AGAP1: variants seen among roughly 807,000 people sequenced by gnomAD.
AGAP1 encodes arf-GAP with GTPase, ANK repeat and PH domain-containing protein 1.
In AGAP1, 29 loss-of-function variants were observed where a neutral mutation model predicts 105.3. The ratio of observed to expected loss-of-function variants is 0.28; its 90% CI spans 0.21 to 0.38. AGAP1 has a LOEUF of 0.38. Ranked by LOEUF, AGAP1 falls within the 10% of genes least tolerant of loss-of-function variation. The pLI is 1.00. For synonymous variants in AGAP1, 509 were observed against 485.9 expected (o/e 1.05, Z -0.63); for missense variants, 998 against 1,165.1 (o/e 0.86, Z 2.09).
intron 7 of AGAP1, among the ~76,000 whole-genome samples, chr2:235,798,647 G>A (rs1957350976): frequency 6.6e-6 from 1 of 152,104 alleles, no homozygotes. Flanking sequence ...GGAGCTCAAG[G>A]CAGGTGGATC....
At chr2:236,122,711 C>T (rs1332870354) in intron 17 of AGAP1, among the ~76,000 whole-genome samples, 2 of 123,006 alleles carry the variant, frequency 1.6e-5, no homozygotes, top group Non-Finnish European at 3.2e-5. Context: ...GAGACAGAGT[C>T]TCACTCTGTC....
rs994990953 is a variant in AGAP1, at chr2:236,002,085, T to G, written c.1645+33462T>G. On this transcript the variant is annotated intron_variant, in intron 13 of 17. Coordinates refer to ENST00000304032, the MANE Select transcript of AGAP1 (RefSeq NM_001037131.3). The surrounding 1 kb of genome is among the most constrained non-coding windows in gnomAD (Gnocchi z 4.3). ...ATGTCTGTGTTGACAGGGCCATGGGTGAGAACAGAGAGTTTCTCAAGCGAC... is the reference window on the plus strand; with the variant it reads ...ATGTCTGTGTTGACAGGGCCATGGGGGAGAACAGAGAGTTTCTCAAGCGAC... 6.6e-6 allele frequency among the ~76,000 whole-genome samples: 1 copy of G among 152,118 alleles called. No homozygotes were observed. The highest frequency in any genetic ancestry group is 2.4e-5 in the African/African-American group (1 of 41,396).
chr2:236,128,083 C>CA lies in AGAP1; in HGVS notation c.*3961_*3962insA, dbSNP rs2060030657. ...GATGGGCACGTTTGCCAACCCCCCC[C>CA]CCCCAGTAGAGCCCAGGACCCTCCT... On this transcript the variant is annotated 3_prime_UTR_variant, in exon 18 of 18. Transcript: ENST00000304032. The surrounding 1 kb of genome is among the most constrained non-coding windows in gnomAD (Gnocchi z 5.9). The CA allele has an allele frequency of 6.6e-6, 1 of 151,736 alleles. No individual in the cohort carries two copies. The highest frequency in any genetic ancestry group is 2.4e-5 in the African/African-American group (1 of 41,442). The allele number at this position is 151,736 out of a possible 1,614,324, so 9.4% of individuals were successfully genotyped here.
intron 11 of AGAP1, among the ~76,000 whole-genome samples, chr2:235,915,701 A>G (rs564514037): frequency 1.2e-4 from 18 of 152,338 alleles, no homozygotes; most frequent in Middle Eastern, 3.4e-3. Flanking sequence ...TGAAAATACT[A>G]TAGGAGAAAA....
At chr2:235,682,293 G>A (rs184907054) in intron 1 of AGAP1, among the ~76,000 whole-genome samples, 11 of 152,164 alleles carry the variant, frequency 7.2e-5, no homozygotes, top group Non-Finnish European at 7.4e-5. Context: ...CTAGCTTGGT[G>A]GCCAAGAATG....
chr2:235,771,590 C>T (rs1019813586), intron 6 of AGAP1, among the ~76,000 whole-genome samples: 12 of 152,188 alleles, frequency 7.9e-5, no homozygotes, highest in Admixed American at 7.9e-4. Flanking sequence ...TGGTCTTCCC[C>T]GAAGAGTGAT....
Position 235,549,529 on chromosome 2 carries a change from G to T in AGAP1, c.163+54680G>T, listed in dbSNP as rs111972267. ...CTTGCTGTTCTAGATGGTGTTGGCA[G>T]CCTTTTTCACGTACAGAGTTGCATT... On this transcript the variant is annotated intron_variant, in intron 1 of 17. Transcript: ENST00000304032. This position sits in a 1 kb window ranked among gnomAD's most constrained non-coding sequence, Gnocchi z 4.2. Among the ~76,000 whole-genome samples, 61 of 152,330 alleles carry T rather than the reference G, an allele frequency of 4.0e-4. 1 individual carries two copies. Among genetic ancestry groups the T allele is most frequent in the African/African-American group, 1.3e-3 (56 of 41,582 alleles).
At position 235,622,813 on chromosome 2, in the gene AGAP1, C is replaced by T. The variant is rs1946528049; in HGVS notation, c.164-86366C>T. The stretch of plus-strand genomic sequence containing the variant: ...GCAGTGAGACTTCAGGGCAGGCACA[C>T]ATGTCGCTTCCTGCACCCACACTGG... On this transcript the variant is annotated intron_variant, in intron 1 of 17. Transcript: ENST00000304032. The surrounding 1 kb of genome is among the most constrained non-coding windows in gnomAD (Gnocchi z 5.0). Among the ~76,000 whole-genome samples, 3 of 152,076 alleles carry T rather than the reference C, an allele frequency of 2.0e-5. No individual in the cohort carries two copies. Among genetic ancestry groups the T allele is most frequent in the African/African-American group, 7.2e-5 (3 of 41,406 alleles).
At chr2:235,771,997 A>ACTTTTTT (rs377170250) in intron 6 of AGAP1, among the ~76,000 whole-genome samples, 6 of 131,666 alleles carry the variant, frequency 4.6e-5, no homozygotes, top group Non-Finnish European at 3.2e-5. Flanking sequence ...TTCTTTTCTT[A>ACTTTTTT]TCTTTTTTTT....
At chr2:235,638,162 G>A (rs1013415030) in intron 1 of AGAP1, among the ~76,000 whole-genome samples, 1 of 152,220 alleles carries the variant, frequency 6.6e-6, no homozygotes, top group Admixed American at 6.5e-5. Context: ...ACAGTCAGGA[G>A]AGCAAGACTC....
rs1230466342 is a variant in AGAP1 at position 235,864,976 on chromosome 2, A to G, written c.1051-18369A>G. On this transcript the variant is annotated intron_variant, in intron 9 of 17. Transcript: ENST00000304032. The surrounding 1 kb of genome is among the most constrained non-coding windows in gnomAD (Gnocchi z 5.0). ...TCGTCAACATGGGTTTTTAAAAGGG[A>G]AGGAGAGAAACACAACAAACTTTTT... 6.6e-6 allele frequency among the ~76,000 whole-genome samples: 1 copy of G among 152,152 alleles called. No individual in the cohort carries two copies. The highest frequency in any genetic ancestry group is 1.5e-5 in the Non-Finnish European group (1 of 68,030).
intron 1 of AGAP1, chr2:235,671,121 A>T: frequency 8.1e-7 from 1 of 1,238,912 alleles, no homozygotes; most frequent in Admixed American, 4.2e-5. Context: ...CCGGTTCCGC[A>T]GCGGCTATGG....
At chr2:235,509,781 C>T (rs1941993492) in intron 1 of AGAP1, among the ~76,000 whole-genome samples, 3 of 152,082 alleles carry the variant, frequency 2.0e-5, no homozygotes, top group Admixed American at 1.3e-4. Flanking sequence ...AAGGGGGTCC[C>T]CAGCCTCTGG....
At chr2:235,897,440 A>C (rs190853030) in intron 10 of AGAP1, among the ~76,000 whole-genome samples, 2 of 152,290 alleles carry the variant, frequency 1.3e-5, no homozygotes, top group African/African-American at 4.8e-5. Context: ...TTCTAGTTAA[A>C]ATGAAAAAAT....
intron 9 of AGAP1, among the ~76,000 whole-genome samples, chr2:235,880,138 A>G (rs1439897202): frequency 2.7e-5 from 4 of 150,882 alleles, no homozygotes; most frequent in East Asian, 2.0e-4. Flanking sequence ...TTCCTCAGAA[A>G]GCTATAAAAT....
At chr2:235,522,862 G>A (rs1942675195) in intron 1 of AGAP1, among the ~76,000 whole-genome samples, 1 of 152,208 alleles carries the variant, frequency 6.6e-6, no homozygotes, top group African/African-American at 2.4e-5. Context: ...CCTGTGGGCA[G>A]AAGAGGAGAA....
At chr2:236,018,721 C>A (rs1436895484) in intron 13 of AGAP1, among the ~76,000 whole-genome samples, 1 of 152,198 alleles carries the variant, frequency 6.6e-6, no homozygotes, top group Non-Finnish European at 1.5e-5. Context: ...ATGACACTTG[C>A]ATCCAGGTGT....
Position 235,741,077 on chromosome 2 carries a change from CT to C in AGAP1, c.396+36del. 6.6e-6 allele frequency: 10 copies of C among 1,509,982 alleles called. No individual in the cohort carries two copies. The highest frequency in any genetic ancestry group is 4.0e-5 in the South Asian group (3 of 74,524). 93.5% of individuals were successfully genotyped at this position (1,509,982 alleles called of 1,614,324 possible). A position where few individuals can be genotyped will look rare whatever the true frequency, so the allele number is the denominator to read the frequency against. Reference sequence around the variant, plus strand: ...AGTATACATGCATGCCCCAAGCCTGCTTTTTTTCCCTTTGTTTTCTAAGGTT... The same window carrying C: ...AGTATACATGCATGCCCCAAGCCTGCTTTTTTCCCTTTGTTTTCTAAGGTT... On this transcript the variant is annotated intron_variant, in intron 4 of 17. Coordinates refer to ENST00000304032, the MANE Select transcript of AGAP1 (RefSeq NM_001037131.3). This position sits in a 1 kb window ranked among gnomAD's most constrained non-coding sequence, Gnocchi z 4.9.
chr2:235,504,029 G>T (rs993696073), intron 1 of AGAP1, among the ~76,000 whole-genome samples: 1 of 152,124 alleles, frequency 6.6e-6, no homozygotes, highest in Non-Finnish European at 1.5e-5. Context: ...CCACAGGCAC[G>T]CACCACCATG....
Sources: gnomAD v4.1 joint callset for allele counts (sites outside exome capture counted in the v4.1 genomes callset) on GRCh38, gnomAD v4.1.1 for gene constraint, Gnocchi (gnomAD v3.1) non-coding constraint, MANE v1.5 for transcripts, NCBI Gene and HGNC (gene_info 2026-07-23, HGNC 2026-07-21) for gene names.